The following MEI4 variants were observed in gnomAD, a reference collection of about 807,000 sequenced individuals.
The protein encoded by MEI4 is meiosis-specific protein MEI4.
A neutral mutation model predicts 31.4 loss-of-function variants in MEI4; 27 were observed. The ratio of observed to expected loss-of-function variants is 0.86; its 90% CI spans 0.63 to 1.19. The LOEUF (loss-of-function observed/expected upper bound fraction) is 1.19. MEI4 is among the 50% of genes most tolerant of loss of function. The pLI, the probability that MEI4 is intolerant of heterozygous loss-of-function variation, is 0.00. For synonymous variants in MEI4, 122 were observed against 145.4 expected, an observed-to-expected ratio of 0.84 and a Z score of 1.16; for missense variants, 329 against 398.9, an observed-to-expected ratio of 0.82 and a Z score of 1.49.
intron 2 of MEI4, among the ~76,000 whole-genome samples, chr6:77,726,375 A>G (rs1027476875): frequency 2.6e-5 from 4 of 152,148 alleles, no homozygotes; most frequent in Non-Finnish European, 5.9e-5. Flanking sequence ...CAGCATATAT[A>G]TGTGGAAGAT....
At position 77,905,475 on chromosome 6, in the gene MEI4, C is replaced by CTTTTT. The variant is rs70974691; in HGVS notation, c.901-17579_901-17575dup. Among the ~76,000 whole-genome samples, 41 of 93,350 alleles carry CTTTTT rather than the reference C, an allele frequency of 4.4e-4. 2 individuals carry two copies. The highest frequency in any genetic ancestry group is 6.5e-4 in the Non-Finnish European group (31 of 47,588). 61.2% of individuals were successfully genotyped at this position (93,350 alleles called of 152,430 possible). A position where few individuals can be genotyped will look rare whatever the true frequency, so the allele number is the denominator to read the frequency against. ...TTCTATAGATTGTATAAATTTTCAGCTTTTTTTTTTTTTTTTTTTTTTTTT... is the reference window on the plus strand; with the variant it reads ...TTCTATAGATTGTATAAATTTTCAGCTTTTTTTTTTTTTTTTTTTTTTTTTTTTTT... On this transcript the variant is annotated intron_variant, in intron 4 of 4. Transcript: ENST00000684080.
chr6:77,661,448 T>C (rs1768508040), intron 1 of MEI4, among the ~76,000 whole-genome samples: 1 of 152,166 alleles, frequency 6.6e-6, no homozygotes, highest in Non-Finnish European at 1.5e-5. Flanking sequence ...AGTGAAAGTG[T>C]CTACCCAGAC....
rs909279535 is a variant in MEI4 at position 77,665,889 on chromosome 6, G to A, written c.-15+12797G>A. ...TGGTGAGATGTTCCTTGGGCTGGTC[G>A]GTGTGAGGACCTGAGGTCGTAGGTG... On this transcript the variant is annotated intron_variant, in intron 1 of 4. Transcript: ENST00000684080. Among the ~76,000 whole-genome samples the A allele has an allele frequency of 3.9e-5, 6 of 152,128 alleles. No homozygotes were observed. In the East Asian group the frequency reaches 9.7e-4, roughly 25 times the overall value.
intron 2 of MEI4, among the ~76,000 whole-genome samples, chr6:77,733,096 G>A (rs537441980): frequency 5.3e-5 from 8 of 151,666 alleles, no homozygotes; most frequent in Non-Finnish European, 7.4e-5. Flanking sequence ...CTCTTTTTTG[G>A]TTGTGTCTCT....
At chr6:77,679,317 G>T (rs1768907697) in intron 1 of MEI4, among the ~76,000 whole-genome samples, 2 of 152,010 alleles carry the variant, frequency 1.3e-5, no homozygotes, top group African/African-American at 4.8e-5. Flanking sequence ...GCCCTATACA[G>T]GTATACCATT....
rs142830978 is a variant in MEI4 at position 77,726,889 on chromosome 6, G to A, written c.233-34241G>A. Reference sequence around the variant, plus strand: ...GAGAATAAAAAGGAGTGCTCAAAAGGGATTCAAGATTTTGAAATTGGTGCT... The same window carrying A: ...GAGAATAAAAAGGAGTGCTCAAAAGAGATTCAAGATTTTGAAATTGGTGCT... On this transcript the variant is annotated intron_variant, in intron 2 of 4. Coordinates refer to ENST00000684080, the MANE Select transcript of MEI4 (RefSeq NM_001322247.2). Among the ~76,000 whole-genome samples the A allele has an allele frequency of 1.4e-3, 213 of 152,124 alleles. 1 individual carries two copies. Among genetic ancestry groups the A allele is most frequent in the African/African-American group, 4.5e-3 (187 of 41,498 alleles).
chr6:77,666,163 A>G (rs1243625571), intron 1 of MEI4, among the ~76,000 whole-genome samples: 1 of 151,972 alleles, frequency 6.6e-6, no homozygotes, highest in Non-Finnish European at 1.5e-5. Context: ...TGAAGTTAAG[A>G]GCAATGTTTT....
chr6:77,889,884 AAGCCC>A (rs2127731672), intron 4 of MEI4, among the ~76,000 whole-genome samples: 1 of 152,334 alleles, frequency 6.6e-6, no homozygotes, highest in East Asian at 1.9e-4. Context: ...CAGAGGGTGT[AAGCCC>A]CAAGACTTGG....
At chr6:77,770,805 A>G (rs1351683838) in intron 3 of MEI4, among the ~76,000 whole-genome samples, 1 of 152,118 alleles carries the variant, frequency 6.6e-6, no homozygotes, top group Non-Finnish European at 1.5e-5. Flanking sequence ...TAAATGTAAA[A>G]CAAACAAACA....
chr6:77,912,133 G>C (rs1407842024), intron 4 of MEI4, among the ~76,000 whole-genome samples: 1 of 151,962 alleles, frequency 6.6e-6, no homozygotes, highest in Admixed American at 6.6e-5. Context: ...ACGTCACTTG[G>C]CTGTGAATAT....
intron 4 of MEI4, among the ~76,000 whole-genome samples, chr6:77,922,517 C>G (rs1274660526): frequency 6.6e-6 from 1 of 151,586 alleles, no homozygotes; most frequent in Non-Finnish European, 1.5e-5. Context: ...CTTTCTGTGA[C>G]TTGACTTATC....
At chr6:77,758,542 C>A (rs1426250118) in intron 2 of MEI4, among the ~76,000 whole-genome samples, 1 of 152,194 alleles carries the variant, frequency 6.6e-6, no homozygotes, top group African/African-American at 2.4e-5. Context: ...GTCCCCCTTT[C>A]TCAAACTTTA....
intron 4 of MEI4, among the ~76,000 whole-genome samples, chr6:77,908,726 AC>A (rs1766359045): frequency 6.6e-6 from 1 of 152,156 alleles, no homozygotes; most frequent in Non-Finnish European, 1.5e-5. Context: ...CAGACTTTAA[AC>A]CAACAAAGAT....
intron 2 of MEI4, among the ~76,000 whole-genome samples, chr6:77,754,918 T>G (rs2127679757): frequency 6.6e-6 from 1 of 152,224 alleles, no homozygotes; most frequent in Admixed American, 6.5e-5. Flanking sequence ...GCCTCTCCCT[T>G]GACATGTGGG....
chr6:77,827,176 C>T (rs7763767), intron 3 of MEI4, among the ~76,000 whole-genome samples: 8,848 of 151,568 alleles, frequency 0.058, 770 homozygotes, highest in African/African-American at 0.19. Context: ...CTGGCTAACA[C>T]GGTGAAACCC....
At chr6:77,782,839 AT>A (rs1768628250) in intron 3 of MEI4, among the ~76,000 whole-genome samples, 1 of 152,202 alleles carries the variant, frequency 6.6e-6, no homozygotes, top group Non-Finnish European at 1.5e-5. Flanking sequence ...ATAATTTATT[AT>A]TTTCAATCAA....
chr6:77,665,410 C>T (rs1294410013), intron 1 of MEI4, among the ~76,000 whole-genome samples: 1 of 151,866 alleles, frequency 6.6e-6, no homozygotes, highest in African/African-American at 2.4e-5. Context: ...GGGTACTTGC[C>T]CCTGCCCCAG....
At chr6:77,762,207 G>A (rs2127682908) in intron 3 of MEI4, among the ~76,000 whole-genome samples, 1 of 152,218 alleles carries the variant, frequency 6.6e-6, no homozygotes, top group South Asian at 2.1e-4. Flanking sequence ...GCAGATGTAG[G>A]TGAATTGAAT....
At chr6:77,695,869 C>T (rs932804486) in intron 2 of MEI4, among the ~76,000 whole-genome samples, 1 of 152,152 alleles carries the variant, frequency 6.6e-6, no homozygotes, top group Non-Finnish European at 1.5e-5. Flanking sequence ...TGGCCATTTT[C>T]ACGATATAGA....
Sources: allele counts gnomAD v4.1 joint callset (sites outside exome capture counted in the v4.1 genomes callset), GRCh38; gene constraint gnomAD v4.1.1; transcripts MANE v1.5; gene names NCBI Gene and HGNC (gene_info 2026-07-23, HGNC 2026-07-21).